ATE1: variants seen among roughly 807,000 people sequenced by gnomAD.
ATE1 encodes arginyltransferase 1.
ATE1 carries 36 observed loss-of-function variants against 70.5 expected under a neutral mutation model. That is an observed-to-expected ratio of 0.51 (90% CI 0.39 to 0.67). ATE1 has a LOEUF of 0.67. Ranked by LOEUF, ATE1 falls within the 30% of genes least tolerant of loss-of-function variation. ATE1 has a pLI of 0.00. For synonymous variants in ATE1, 232 were observed against 219.3 expected, an observed-to-expected ratio of 1.06 and a Z score of -0.51; for missense variants, 593 against 629.5, an observed-to-expected ratio of 0.94 and a Z score of 0.62.
intron 11 of ATE1, among the ~76,000 whole-genome samples, chr10:121,770,995 C>T (rs1945493646): frequency 6.6e-6 from 1 of 152,052 alleles, no homozygotes; most frequent in Admixed American, 6.6e-5. Context: ...AACAAACAAA[C>T]CACCAAATTA....
At chr10:121,912,782 T>G (rs918441223) in intron 4 of ATE1, among the ~76,000 whole-genome samples, 1 of 149,876 alleles carries the variant, frequency 6.7e-6, no homozygotes, top group East Asian at 2.0e-4. Context: ...TCTTGCTCTG[T>G]CACCTAGGCT....
intron 10 of ATE1, among the ~76,000 whole-genome samples, chr10:121,832,779 A>T (rs777668309): frequency 6.6e-6 from 1 of 152,196 alleles, no homozygotes; most frequent in Non-Finnish European, 1.5e-5. Flanking sequence ...ATACTCTGCC[A>T]TTGGCCTCTA....
intron 7 of ATE1, among the ~76,000 whole-genome samples, chr10:121,890,824 G>A (rs985405629): frequency 6.6e-6 from 1 of 152,054 alleles, no homozygotes; most frequent in Non-Finnish European, 1.5e-5. Flanking sequence ...TATTATAAAC[G>A]AGACAGGTCA....
In ATE1 at chr10:121,904,932, A is replaced by T. The variant is rs534316274; in HGVS notation, c.584-2312T>A. Among the ~76,000 whole-genome samples the T allele has an allele frequency of 1.2e-4, 18 of 152,340 alleles. No homozygotes were observed. In the East Asian group the frequency reaches 3.5e-3, roughly 29 times the overall value. ...TTAAAAAATGACTTTAAATAAGCCT[A>T]AGTTAAGTCTGAACCAGGTAACAAA... On this transcript the variant is annotated intron_variant, in intron 5 of 11. Transcript: ENST00000224652.
intron 8 of ATE1, among the ~76,000 whole-genome samples, chr10:121,851,357 T>C (rs1182727763): frequency 6.6e-6 from 1 of 151,964 alleles, no homozygotes; most frequent in African/African-American, 2.4e-5. Flanking sequence ...GAGGCAGAGG[T>C]TGCGGTGAAG....
At chr10:121,851,574 G>T (rs886409423) in intron 8 of ATE1, among the ~76,000 whole-genome samples, 1 of 148,814 alleles carries the variant, frequency 6.7e-6, no homozygotes, top group Non-Finnish European at 1.5e-5. Flanking sequence ...GTCAGTTTTT[G>T]TTTTTGTTTT....
intron 11 of ATE1, among the ~76,000 whole-genome samples, chr10:121,751,472 A>G (rs886811284): frequency 2.6e-5 from 4 of 152,204 alleles, no homozygotes; most frequent in Non-Finnish European, 5.9e-5. Context: ...CCTCATGAGC[A>G]CTGCTATTAG....
chr10:121,776,359 T>C (rs1243260018), intron 11 of ATE1, among the ~76,000 whole-genome samples: 3 of 151,666 alleles, frequency 2.0e-5, no homozygotes, highest in East Asian at 1.9e-4. Flanking sequence ...TAATCAGTCA[T>C]TGGCCTCATG....
At chr10:121,788,523 G>A (rs1166600665) in intron 11 of ATE1, among the ~76,000 whole-genome samples, 1 of 152,094 alleles carries the variant, frequency 6.6e-6, no homozygotes, top group Non-Finnish European at 1.5e-5. Context: ...CATTACATGG[G>A]CCAATTTTTT....
At position 121,741,008 on chromosome 10, in the gene ATE1, C is replaced by G. The variant is rs554157625; in HGVS notation, c.*2672G>C. The G allele has an allele frequency of 1.2e-4, 18 of 152,290 alleles. No homozygotes were observed. The highest frequency in any genetic ancestry group is 4.1e-4 in the African/African-American group (17 of 41,564). The allele number at this position is 152,290 out of a possible 1,614,324, so 9.4% of individuals were successfully genotyped here. The stretch of plus-strand genomic sequence containing the variant: ...GTAGCAAGGGGAATTGAAATTACAT[C>G]TTTGCTCCCAAAACAGGAAGGCAGG... On this transcript the variant is annotated 3_prime_UTR_variant, in exon 12 of 12. Transcript: ENST00000224652.
At chr10:121,756,825 G>A (rs1238562723) in intron 11 of ATE1, among the ~76,000 whole-genome samples, 1 of 152,214 alleles carries the variant, frequency 6.6e-6, no homozygotes, top group Non-Finnish European at 1.5e-5. Flanking sequence ...AGGTCTCCAG[G>A]CCTGTGATGG....
intron 10 of ATE1, among the ~76,000 whole-genome samples, chr10:121,795,704 G>T (rs1211886778): frequency 1.3e-5 from 2 of 152,156 alleles, no homozygotes; most frequent in African/African-American, 2.4e-5. Context: ...TGAGATTTAT[G>T]AAATAAACCA....
chr10:121,910,677 A>T (rs1159494917), intron 5 of ATE1, among the ~76,000 whole-genome samples: 1 of 152,194 alleles, frequency 6.6e-6, no homozygotes, highest in African/African-American at 2.4e-5. Context: ...CTCTTTGAAA[A>T]TATCTGTATT....
intron 5 of ATE1, among the ~76,000 whole-genome samples, chr10:121,909,498 G>A (rs962003233): frequency 6.6e-6 from 1 of 151,990 alleles, no homozygotes; most frequent in East Asian, 1.9e-4. Flanking sequence ...ACAATGTCTG[G>A]AATTTGCCTC....
chr10:121,847,135 A>ATGAGAC (rs1173551432), intron 8 of ATE1, among the ~76,000 whole-genome samples: 1 of 152,216 alleles, frequency 6.6e-6, no homozygotes, highest in Non-Finnish European at 1.5e-5. Flanking sequence ...GCTGATAGGA[A>ATGAGAC]TGAGACTACC....
At chr10:121,885,365 C>T (rs1383021878) in intron 7 of ATE1, among the ~76,000 whole-genome samples, 2 of 144,772 alleles carry the variant, frequency 1.4e-5, no homozygotes, top group African/African-American at 2.5e-5. Flanking sequence ...GTCAGGAGAT[C>T]GAGACCATCC....
intron 11 of ATE1, among the ~76,000 whole-genome samples, chr10:121,752,316 C>T (rs561767619): frequency 3.3e-5 from 5 of 150,474 alleles, no homozygotes; most frequent in Admixed American, 6.6e-5. Context: ...CTGCAAGCTC[C>T]GCCTTCCGGG....
intron 10 of ATE1, among the ~76,000 whole-genome samples, chr10:121,823,090 A>C (rs934831340): frequency 3.9e-5 from 6 of 152,124 alleles, no homozygotes; most frequent in South Asian, 2.1e-4. Flanking sequence ...GGAGATCGAG[A>C]CCATCCTGGC....
At chr10:121,836,263 C>T (rs1948428493) in intron 10 of ATE1, among the ~76,000 whole-genome samples, 1 of 152,156 alleles carries the variant, frequency 6.6e-6, no homozygotes, top group African/African-American at 2.4e-5. Context: ...TGCCCCTAAT[C>T]TTCCCCTAGC....
Sources: gnomAD v4.1 joint callset for allele counts (sites outside exome capture counted in the v4.1 genomes callset) on GRCh38, gnomAD v4.1.1 for gene constraint, MANE v1.5 for transcripts, NCBI Gene and HGNC (gene_info 2026-07-23, HGNC 2026-07-21) for gene names.